Variants in NFXL1 observed in about 807,000 individuals in gnomAD.
NFXL1 encodes nuclear transcription factor, X-box binding like 1.
NFXL1 carries 66 observed loss-of-function variants against 123.3 expected under a neutral mutation model. That is an observed-to-expected ratio of 0.54 (90% CI 0.44 to 0.66). The LOEUF is 0.66. NFXL1 is among the 30% of genes least tolerant of loss of function. The pLI is 0.00. For synonymous variants in NFXL1, 346 were observed against 360.8 expected (o/e 0.96, Z 0.46); for missense variants, 944 against 1,125.6 (o/e 0.84, Z 2.31).
chr4:47,866,758 G>A (rs1217457950), intron 18 of NFXL1, among the ~76,000 whole-genome samples: 2 of 152,208 alleles, frequency 1.3e-5, no homozygotes, highest in Non-Finnish European at 2.9e-5. Context: ...AAGAACAGCT[G>A]ACTATGTCTA....
intron 19 of NFXL1, among the ~76,000 whole-genome samples, chr4:47,860,506 T>C (rs1734703806): frequency 6.6e-6 from 1 of 152,232 alleles, no homozygotes; most frequent in African/African-American, 2.4e-5. Context: ...TATTCTTTTA[T>C]TCACATTCAA....
Position 47,903,182 on chromosome 4 carries a change from G to T in NFXL1, c.647+11C>A. 6.4e-7 allele frequency: 1 copy of T among 1,558,836 alleles called. No individual in the cohort carries two copies. The highest frequency in any genetic ancestry group is 1.2e-5 in the South Asian group (1 of 83,684). ...ATAATAATAATAATCCAACTAATTA[G>T]AAAAAGTTACCAAGGCCAGGGACAA... is the stretch of plus-strand genomic sequence containing the variant. On this transcript the variant is annotated intron_variant, in intron 5 of 22. Coordinates refer to ENST00000507489, the MANE Select transcript of NFXL1 (RefSeq NM_001278624.2).
chr4:47,896,442 A>G (rs1737089823), intron 10 of NFXL1, 81 bp downstream of exon 10: 15 of 1,126,600 alleles, frequency 1.3e-5, no homozygotes, highest in Non-Finnish European at 2.0e-5. Flanking sequence ...AATAAGTAAT[A>G]GAAAACAACC....
intron 11 of NFXL1, among the ~76,000 whole-genome samples, chr4:47,892,451 G>A (rs896504052): frequency 6.6e-6 from 1 of 152,206 alleles, no homozygotes; most frequent in Non-Finnish European, 1.5e-5. Context: ...GTACTGGTCT[G>A]TATGTGTGTG....
chr4:47,899,695 T>A (rs1737278392), intron 5 of NFXL1, 147 bp from the exon 6 acceptor site: 5 of 604,954 alleles, frequency 8.3e-6, no homozygotes, highest in South Asian at 2.2e-5. Context: ...AAAAACAAGA[T>A]CTTATTAAAA....
intron 22 of NFXL1, 63 bp downstream of exon 22, chr4:47,851,032 G>C: frequency 8.2e-7 from 1 of 1,213,868 alleles, no homozygotes. Flanking sequence ...AATATACCCC[G>C]TGTTTGCACA....
chr4:47,869,237 C>T lies in NFXL1; in HGVS notation c.2246+5890G>A, dbSNP rs560870829. ...AAGACTGTGTCTCAAAACACAAAAA[C>T]CAAACAAAAAGAAACACACTAATAA... On this transcript the variant is annotated intron_variant, in intron 18 of 22. Transcript: ENST00000507489. Among the ~76,000 whole-genome samples, 8 of 152,076 alleles carry T rather than the reference C, an allele frequency of 5.3e-5. No homozygotes were observed. The South Asian group carries it at 1.2e-3, about 24-fold the overall frequency.
At chr4:47,908,290 G>A (rs983892984) in intron 3 of NFXL1, among the ~76,000 whole-genome samples, 3 of 152,080 alleles carry the variant, frequency 2.0e-5, no homozygotes, top group East Asian at 1.9e-4. Flanking sequence ...CAGGCATGGT[G>A]GTGTGTGCTT....
intron 22 of NFXL1, among the ~76,000 whole-genome samples, chr4:47,850,867 G>A (rs1200743596): frequency 2.0e-5 from 3 of 151,652 alleles, no homozygotes; most frequent in African/African-American, 7.3e-5. Context: ...AAAGTAAATT[G>A]GAAATACAAA....
chr4:47,887,032 TA>T (rs977112871), intron 12 of NFXL1, among the ~76,000 whole-genome samples: 7 of 151,490 alleles, frequency 4.6e-5, no homozygotes, highest in Middle Eastern at 3.4e-3. Flanking sequence ...CTTCTAAACA[TA>T]AAAAAAAATG....
chr4:47,899,197 C>T (rs1208452736), intron 6 of NFXL1, 77 bp from the exon 7 acceptor site: 13 of 1,378,648 alleles, frequency 9.4e-6, no homozygotes, highest in Non-Finnish European at 1.1e-5. Context: ...ATTTCTACAC[C>T]TATCAATAAT....
intron 19 of NFXL1, among the ~76,000 whole-genome samples, chr4:47,859,866 AAAAAC>A (rs1734646536): frequency 1.0e-4 from 4 of 39,616 alleles, no homozygotes; most frequent in Admixed American, 3.3e-4. Flanking sequence ...AAAAAAAAAA[AAAAAC>A]AAACAAACAA....
At chr4:47,912,447 T>C (rs1006085760) in intron 2 of NFXL1, among the ~76,000 whole-genome samples, 3 of 141,396 alleles carry the variant, frequency 2.1e-5, no homozygotes, top group South Asian at 2.3e-4. Flanking sequence ...GCTTGTTTTC[T>C]TTTTCTTTTC....
chr4:47,913,317 T>C (rs1737934627), intron 2 of NFXL1, among the ~76,000 whole-genome samples: 1 of 152,216 alleles, frequency 6.6e-6, no homozygotes, highest in Non-Finnish European at 1.5e-5. Flanking sequence ...AGTATTGATA[T>C]ATCGGAGGCA....
At chr4:47,893,372 TAAAG>T (rs1437596269) in intron 11 of NFXL1, among the ~76,000 whole-genome samples, 1 of 151,764 alleles carries the variant, frequency 6.6e-6, no homozygotes, top group Non-Finnish European at 1.5e-5. Context: ...TTAAGAAACA[TAAAG>T]AACACCATAC....
chr4:47,873,727 A>G (rs986563135), intron 18 of NFXL1, among the ~76,000 whole-genome samples: 8 of 152,232 alleles, frequency 5.3e-5, no homozygotes, highest in Non-Finnish European at 1.0e-4. Context: ...TAAAGTCACC[A>G]GCTGCATTAG....
At chr4:47,905,387 C>A in intron 3 of NFXL1, 41 bp from the exon 4 acceptor site, 1 of 951,840 alleles carries the variant, frequency 1.1e-6, no homozygotes, top group South Asian at 1.4e-5. Flanking sequence ...TAAACAACAT[C>A]TGAAAATAAC....
chr4:47,885,768 T>C, intron 13 of NFXL1, 111 bp from the exon 14 acceptor site: 3 of 1,357,012 alleles, frequency 2.2e-6, no homozygotes, highest in Non-Finnish European at 3.1e-6. Context: ...ATGAGTATAC[T>C]GTGAATATTA....
At chr4:47,848,745 C>T (rs951762791) in intron 22 of NFXL1, among the ~76,000 whole-genome samples, 19 of 151,880 alleles carry the variant, frequency 1.3e-4, no homozygotes, top group South Asian at 4.2e-4. Context: ...AAAAATTAGC[C>T]GGGCATGGTG....
Sources: allele counts gnomAD v4.1 joint callset (sites outside exome capture counted in the v4.1 genomes callset), GRCh38; gene constraint gnomAD v4.1.1; transcripts MANE v1.5; gene names NCBI Gene and HGNC (gene_info 2026-07-23, HGNC 2026-07-21).